The following HERC3 variants were observed in gnomAD, a reference collection of about 807,000 sequenced individuals.
HERC3 encodes the protein probable E3 ubiquitin-protein ligase HERC3.
Under a neutral mutation model 129.9 loss-of-function variants are expected in HERC3, and 58 were observed. The ratio of observed to expected loss-of-function variants is 0.45; its 90% CI spans 0.36 to 0.56. The LOEUF (loss-of-function observed/expected upper bound fraction) is 0.56, where lower values mean the gene tolerates loss of function less well. HERC3 is among the 20% of genes least tolerant of loss of function. The pLI is 0.00. For synonymous variants in HERC3, 430 were observed against 451.0 expected (o/e 0.95, Z 0.59); for missense variants, 835 against 1,244.2 (o/e 0.67, Z 4.95).
At chr4:88,540,677 T>A in the HERC3 span, among the ~76,000 whole-genome samples, 1 of 151,776 alleles carries the variant, frequency 6.6e-6, no homozygotes, top group Admixed American at 6.6e-5. Context: ...AAGGAAAAAA[T>A]GTTAAGGGCA....
intron 23 of HERC3, 84 bp from the exon 24 acceptor site, chr4:88,704,014 C>T: frequency 8.4e-7 from 1 of 1,193,708 alleles, no homozygotes; most frequent in South Asian, 1.5e-5. Context: ...TATTTTTTAT[C>T]ACTCCCAATC....
At chr4:88,649,699 A>G in intron 3 of HERC3, 141 bp from the exon 4 acceptor site, 2 of 688,850 alleles carry the variant, frequency 2.9e-6, no homozygotes, top group Non-Finnish European at 2.4e-6. Context: ...GAAATATGTG[A>G]AATTTATAAT....
chr4:88,632,721 G>C (rs553165167), intron 3 of HERC3, among the ~76,000 whole-genome samples: 18 of 152,226 alleles, frequency 1.2e-4, no homozygotes, highest in Non-Finnish European at 2.4e-4. Flanking sequence ...CTGAATGACA[G>C]AGATAATAAA....
the HERC3 span, among the ~76,000 whole-genome samples, chr4:88,539,850 C>T: frequency 6.6e-6 from 1 of 152,176 alleles, no homozygotes; most frequent in Non-Finnish European, 1.5e-5. Context: ...AGGGCCCTGA[C>T]TGTTAGAAGG....
the HERC3 span, among the ~76,000 whole-genome samples, chr4:88,552,118 A>C: frequency 1.7e-5 from 2 of 119,656 alleles, no homozygotes; most frequent in Non-Finnish European, 3.3e-5. Flanking sequence ...GGAACATCAC[A>C]GTCTGGGGAC....
intron 3 of HERC3, among the ~76,000 whole-genome samples, chr4:88,622,357 T>A (rs753731959): frequency 1.3e-5 from 2 of 152,260 alleles, no homozygotes; most frequent in African/African-American, 2.4e-5. Context: ...TGTATGGATA[T>A]ACCACATTTT....
chr4:88,581,303 TA>T, the HERC3 span, among the ~76,000 whole-genome samples: 2 of 151,244 alleles, frequency 1.3e-5, no homozygotes, highest in East Asian at 3.9e-4. Context: ...TTATTATTAT[TA>T]TTATTTTTTT....
At chr4:88,635,195 C>T (rs910635607) in intron 3 of HERC3, among the ~76,000 whole-genome samples, 5 of 151,844 alleles carry the variant, frequency 3.3e-5, no homozygotes, top group Non-Finnish European at 7.4e-5. Flanking sequence ...TGGGTAACAA[C>T]AAACTTCGCT....
intron 14 of HERC3, 147 bp from the exon 15 acceptor site, chr4:88,669,713 T>C: frequency 1.6e-6 from 1 of 632,794 alleles, no homozygotes; most frequent in East Asian, 2.8e-5. Context: ...AAGGTTTTAA[T>C]GGATTCTTTT....
intron 23 of HERC3, among the ~76,000 whole-genome samples, chr4:88,698,940 C>G (rs1352141031): frequency 7.2e-5 from 10 of 138,598 alleles, no homozygotes; most frequent in Non-Finnish European, 1.4e-4. Context: ...TCCTCACCCC[C>G]TTCTTCCTCA....
the HERC3 span, among the ~76,000 whole-genome samples, chr4:88,531,201 A>G: frequency 6.6e-6 from 1 of 151,052 alleles, no homozygotes; most frequent in South Asian, 2.1e-4. Flanking sequence ...AAAATTTAAA[A>G]TTTTTTTAAA....
At chr4:88,606,083 A>G in intron 3 of HERC3, 34 bp downstream of exon 3, 1 of 1,555,058 alleles carries the variant, frequency 6.4e-7, no homozygotes, top group South Asian at 1.2e-5. Context: ...ATTATTGGTG[A>G]GAATGGAAAG....
intron 18 of HERC3, among the ~76,000 whole-genome samples, 162 bp from the exon 19 acceptor site, chr4:88,677,802 G>A (rs1732327012): frequency 6.6e-6 from 1 of 152,204 alleles, no homozygotes. Context: ...CTTGAGTGCT[G>A]TGTAAACATA....
the HERC3 span, among the ~76,000 whole-genome samples, chr4:88,584,643 C>T: frequency 6.6e-6 from 1 of 152,226 alleles, no homozygotes; most frequent in South Asian, 2.1e-4. Context: ...CTTTTCTGCT[C>T]TTCCACCACA....
At position 88,686,809 on chromosome 4, in the gene HERC3, A is replaced by G. The variant is rs1175803581; in HGVS notation, c.2574+7A>G. The G allele has an allele frequency of 6.3e-7, 1 of 1,598,328 alleles. No individual in the cohort carries two copies. Among genetic ancestry groups the G allele is most frequent in the Non-Finnish European group, 8.6e-7 (1 of 1,166,120 alleles). ...TTTCTGCCTCAACTTCACGGTAAGA[A>G]TTTCCACAGTTTACTTAGGATTGTG... On this transcript the variant is annotated splice_region_variant and intron_variant, in intron 22 of 25. Transcript: ENST00000402738.
chr4:88,689,794 T>G (rs983469250), intron 23 of HERC3, among the ~76,000 whole-genome samples: 2 of 152,046 alleles, frequency 1.3e-5, no homozygotes, highest in African/African-American at 4.8e-5. Flanking sequence ...GCCAGACTGG[T>G]CTCGAACTCC....
At position 88,704,540 on chromosome 4, in the gene HERC3, A is replaced by G. The variant is rs369696218; in HGVS notation, c.2874A>G (p.Thr958=). The change falls in exon 25 of 26, where the codon ACA becomes ACG. Residue 958 remains threonine (T), a synonymous_variant. Transcript: ENST00000402738. ...TAIYKGDYSA[T]HPTVKLFWET... The stretch of plus-strand genomic sequence containing the variant: ...TCTACAAGGGAGATTACTCGGCCAC[A>G]CATCCCACTGTAAAACTATTTTGGG... The G allele has an allele frequency of 2.5e-5, 41 of 1,612,532 alleles. No individual in the cohort carries two copies. The highest frequency in any genetic ancestry group is 4.0e-5 in the African/African-American group (3 of 74,884).
Position 88,706,736 on chromosome 4 carries a change from T to A in HERC3, c.2945-16T>A. The A allele has an allele frequency of 6.2e-7, 1 of 1,612,214 alleles. No homozygotes were observed. Among genetic ancestry groups the A allele is most frequent in the African/African-American group, 1.3e-5 (1 of 75,030 alleles). ...CCGTTTGCTTAGCTGCTAATGCCAT[T>A]TCTCGTTCTCCCCAGTGTTCCTGAC... On this transcript the variant is annotated splice_polypyrimidine_tract_variant and intron_variant, in intron 25 of 25. Coordinates refer to ENST00000402738, the MANE Select transcript of HERC3 (RefSeq NM_014606.3).
chr4:88,680,859 A>G (rs955098761), intron 20 of HERC3: 10 of 197,710 alleles, frequency 5.1e-5, no homozygotes, highest in Non-Finnish European at 9.1e-5. Context: ...AGTGGCTACC[A>G]TATAAGATGG....
Sources: gnomAD v4.1 joint callset for allele counts (sites outside exome capture counted in the v4.1 genomes callset) on GRCh38, gnomAD v4.1.1 for gene constraint, MANE v1.5 for transcripts, NCBI Gene and HGNC (gene_info 2026-07-23, HGNC 2026-07-21) for gene names.